Variants in LDLRAD3 observed in about 807,000 individuals in gnomAD.
The protein encoded by LDLRAD3 is low density lipoprotein receptor class A domain containing 3.
LDLRAD3 carries 20 observed loss-of-function variants against 29.4 expected under a neutral mutation model. The observed-to-expected ratio is 0.68, with a 90% CI of 0.48 to 0.99. The LOEUF (loss-of-function observed/expected upper bound fraction) is 0.99. Ranked by LOEUF, LDLRAD3 falls within the 50% of genes least tolerant of loss-of-function variation. LDLRAD3 has a pLI of 0.00. For missense variants in LDLRAD3, 420 were observed against 454.3 expected, an observed-to-expected ratio of 0.92 and a Z score of 0.69; for synonymous variants, 157 against 192.7, an observed-to-expected ratio of 0.81 and a Z score of 1.53.
chr11:36,072,315 G>A (rs1052606097), intron 2 of LDLRAD3, among the ~76,000 whole-genome samples: 6 of 152,214 alleles, frequency 3.9e-5, no homozygotes, highest in African/African-American at 1.4e-4. Flanking sequence ...CCACATTGCA[G>A]CCTCTGTCCA....
chr11:36,130,148 A>G (rs1431137755), intron 4 of LDLRAD3, among the ~76,000 whole-genome samples: 1 of 152,192 alleles, frequency 6.6e-6, no homozygotes, highest in East Asian at 1.9e-4. Context: ...TGAACAGGCA[A>G]TTTCAAGTGT....
intron 1 of LDLRAD3, among the ~76,000 whole-genome samples, chr11:36,019,267 G>C (rs995284305): frequency 6.6e-6 from 1 of 152,164 alleles, no homozygotes; most frequent in African/African-American, 2.4e-5. Context: ...CTCTTGCCCC[G>C]TGTCTCTTAA....
intron 2 of LDLRAD3, among the ~76,000 whole-genome samples, chr11:36,072,527 T>G (rs747127731): frequency 2.0e-5 from 3 of 152,160 alleles, no homozygotes; most frequent in Non-Finnish European, 2.9e-5. Flanking sequence ...GAGAAGGGCT[T>G]TTTCTTGGGA....
chr11:36,118,732 T>C (rs1315594130), intron 4 of LDLRAD3, among the ~76,000 whole-genome samples: 1 of 152,134 alleles, frequency 6.6e-6, no homozygotes, highest in Non-Finnish European at 1.5e-5. Flanking sequence ...AAGCACACAA[T>C]TCAATGTGTA....
intron 4 of LDLRAD3, among the ~76,000 whole-genome samples, chr11:36,100,182 G>A (rs1235570438): frequency 6.6e-6 from 1 of 152,158 alleles, no homozygotes; most frequent in African/African-American, 2.4e-5. Context: ...TGATTCTAAT[G>A]CACACTGAAG....
At chr11:36,036,705 C>T (rs1852309592) in intron 2 of LDLRAD3, among the ~76,000 whole-genome samples, 1 of 152,212 alleles carries the variant, frequency 6.6e-6, no homozygotes, top group African/African-American at 2.4e-5. Context: ...TGAGGCATAG[C>T]ATCCTGCCAA....
intron 1 of LDLRAD3, among the ~76,000 whole-genome samples, chr11:35,973,005 A>G (rs1164363780): frequency 7.0e-6 from 1 of 143,538 alleles, no homozygotes; most frequent in Non-Finnish European, 1.5e-5. Context: ...GTGAGCCTAG[A>G]TTGCACCATT....
At position 36,032,182 on chromosome 11, in the gene LDLRAD3, C is replaced by A. The variant is rs189449636; in HGVS notation, c.47-3921C>A. 9.1e-4 allele frequency among the ~76,000 whole-genome samples: 138 copies of A among 152,254 alleles called. 3 individuals are homozygous for A. In the South Asian group the frequency reaches 0.027, roughly 30 times the overall value. On this transcript the variant is annotated intron_variant, in intron 1 of 5. Transcript: ENST00000315571. ...CCAAATACAGTCACATTCGGAGGTT[C>A]TAGGGTTTAGGACTTCAACATGTAA...
chr11:36,215,313 A>T (rs780380617), intron 4 of LDLRAD3, among the ~76,000 whole-genome samples: 4 of 152,228 alleles, frequency 2.6e-5, no homozygotes, highest in Non-Finnish European at 5.9e-5. Context: ...TTCTGAGTAC[A>T]TGAGAAGCCA....
chr11:36,223,674 C>T lies in LDLRAD3; in HGVS notation c.455-3411C>T, dbSNP rs755310791. Reference sequence around the variant, plus strand: ...GGTTGAAGCTGTTGAACCAAGATCGCGCCACTGCACTCCAGCTTGGGCAAC... The same window carrying T: ...GGTTGAAGCTGTTGAACCAAGATCGTGCCACTGCACTCCAGCTTGGGCAAC... On this transcript the variant is annotated intron_variant, in intron 4 of 5. Transcript: ENST00000315571. Among the ~76,000 whole-genome samples, 55 of 151,854 alleles carry T rather than the reference C, an allele frequency of 3.6e-4. 1 individual carries two copies. The highest frequency in any genetic ancestry group is 6.5e-4 in the Non-Finnish European group (44 of 67,988).
At chr11:36,054,860 G>GATGT (rs1359611264) in intron 2 of LDLRAD3, among the ~76,000 whole-genome samples, 2 of 149,906 alleles carry the variant, frequency 1.3e-5, no homozygotes, top group Non-Finnish European at 3.0e-5. Flanking sequence ...TGGATGGATG[G>GATGT]ATGGATGAAT....
intron 4 of LDLRAD3, among the ~76,000 whole-genome samples, chr11:36,145,345 C>A (rs200065128): frequency 1.2e-5 from 1 of 83,120 alleles, no homozygotes; most frequent in African/African-American, 6.2e-5. Context: ...GTGAGGAGCC[C>A]CTCTGCCCGG....
At chr11:36,193,022 T>C (rs1854979046) in intron 4 of LDLRAD3, among the ~76,000 whole-genome samples, 1 of 152,190 alleles carries the variant, frequency 6.6e-6, no homozygotes, top group Admixed American at 6.5e-5. Context: ...GTCTATGTTG[T>C]AACATTAAAG....
chr11:35,973,301 T>C (rs1459485528), intron 1 of LDLRAD3, among the ~76,000 whole-genome samples: 1 of 152,204 alleles, frequency 6.6e-6, no homozygotes, highest in Admixed American at 6.5e-5. Flanking sequence ...CTATAAATTA[T>C]TTCACTCTAA....
chr11:35,988,818 C>T (rs1396782603), intron 1 of LDLRAD3: 3 of 151,784 alleles, frequency 2.0e-5, no homozygotes, highest in African/African-American at 4.8e-5. Context: ...CTCCTGACCT[C>T]TTGATCTGCT....
At chr11:36,144,563 C>T (rs1344825637) in intron 4 of LDLRAD3, among the ~76,000 whole-genome samples, 12 of 149,022 alleles carry the variant, frequency 8.1e-5, no homozygotes, top group Admixed American at 6.0e-4. Context: ...ATGTGAGGAG[C>T]GTCTCTGCCC....
At chr11:36,009,480 T>A (rs1009447085) in intron 1 of LDLRAD3, among the ~76,000 whole-genome samples, 2 of 152,256 alleles carry the variant, frequency 1.3e-5, no homozygotes, top group Middle Eastern at 3.4e-3. Flanking sequence ...ACCTGAAAAA[T>A]TAGTTTCTAT....
chr11:36,217,640 A>G (rs1285656135), intron 4 of LDLRAD3, among the ~76,000 whole-genome samples: 1 of 152,296 alleles, frequency 6.6e-6, no homozygotes, highest in Admixed American at 6.5e-5. Context: ...AACAACAGAA[A>G]TTTATTCTCT....
chr11:36,177,573 G>C (rs1854697305), intron 4 of LDLRAD3, among the ~76,000 whole-genome samples: 1 of 152,208 alleles, frequency 6.6e-6, no homozygotes, highest in Non-Finnish European at 1.5e-5. Context: ...CAGACTGCAT[G>C]ATTGTTATTG....
Sources: allele counts gnomAD v4.1 joint callset (sites outside exome capture counted in the v4.1 genomes callset), GRCh38; gene constraint gnomAD v4.1.1; transcripts MANE v1.5; gene names NCBI Gene and HGNC (gene_info 2026-07-23, HGNC 2026-07-21).